ADGRL2: variants seen among roughly 807,000 people sequenced by gnomAD.
ADGRL2 encodes the protein calcium-independent alpha-latrotoxin receptor 2.
Under a neutral mutation model 157.4 loss-of-function variants are expected in ADGRL2, and 44 were observed. The observed-to-expected ratio is 0.28, with a 90% CI of 0.22 to 0.36. ADGRL2 has a LOEUF of 0.36. ADGRL2 is among the 10% of genes least tolerant of loss of function. The pLI is 1.00. For missense variants in ADGRL2, 1,510 were observed against 1,768.9 expected, an observed-to-expected ratio of 0.85 and a Z score of 2.63; for synonymous variants, 585 against 624.7, an observed-to-expected ratio of 0.94 and a Z score of 0.95.
chr1:81,462,969 G>T (rs895672196), intron 2 of ADGRL2, among the ~76,000 whole-genome samples: 2 of 151,792 alleles, frequency 1.3e-5, no homozygotes, highest in Non-Finnish European at 2.9e-5. Flanking sequence ...ACAAAAATTA[G>T]CCCTGAGGGG....
intron 3 of ADGRL2, among the ~76,000 whole-genome samples, chr1:81,667,916 T>C (rs2082785386): frequency 6.6e-6 from 1 of 152,206 alleles, no homozygotes; most frequent in South Asian, 2.1e-4. Context: ...TTGTAAGATT[T>C]AGGTAACTTG....
At chr1:81,647,247 G>A (rs905136851) in intron 3 of ADGRL2, among the ~76,000 whole-genome samples, 2 of 152,142 alleles carry the variant, frequency 1.3e-5, no homozygotes, top group African/African-American at 4.8e-5. Flanking sequence ...AATGCAGAAG[G>A]GAAAGTTTAC....
intron 2 of ADGRL2, among the ~76,000 whole-genome samples, chr1:81,533,931 T>C (rs1253777254): frequency 6.6e-6 from 1 of 152,000 alleles, no homozygotes; most frequent in Non-Finnish European, 1.5e-5. Context: ...AAATAGAACA[T>C]AAAGAAGGAA....
intron 1 of ADGRL2, among the ~76,000 whole-genome samples, chr1:81,349,853 G>A (rs549856976): frequency 3.3e-5 from 5 of 151,764 alleles, no homozygotes; most frequent in East Asian, 1.9e-4. Context: ...TTAGGAAGGC[G>A]GGAGGGAAAA....
At chr1:81,957,958 C>T (rs1441431461) in intron 11 of ADGRL2, among the ~76,000 whole-genome samples, 1 of 151,616 alleles carries the variant, frequency 6.6e-6, no homozygotes, top group Non-Finnish European at 1.5e-5. Context: ...GTCAGGAGTT[C>T]AGGACTATCC....
intron 3 of ADGRL2, chr1:81,596,119 C>T (rs1378532890): frequency 2.9e-6 from 1 of 350,114 alleles, no homozygotes; most frequent in Admixed American, 3.2e-5. Flanking sequence ...TTTTTTTTAA[C>T]AACTGGTAAT....
intron 1 of ADGRL2, among the ~76,000 whole-genome samples, chr1:81,357,216 G>A (rs1356524296): frequency 1.3e-5 from 2 of 152,158 alleles, no homozygotes; most frequent in African/African-American, 2.4e-5. Context: ...GACTTTCTCA[G>A]GCCTTGCTCA....
At chr1:81,434,359 T>C (rs1431669919) in intron 1 of ADGRL2, among the ~76,000 whole-genome samples, 1 of 152,226 alleles carries the variant, frequency 6.6e-6, no homozygotes, top group Non-Finnish European at 1.5e-5. Flanking sequence ...TTTATGTTTC[T>C]TCACTGCATT....
At chr1:81,753,556 A>T (rs1453450717) in intron 1 of ADGRL2, among the ~76,000 whole-genome samples, 3 of 152,180 alleles carry the variant, frequency 2.0e-5, no homozygotes, top group Non-Finnish European at 4.4e-5. Context: ...TATACTATTA[A>T]AGATTTATTT....
chr1:81,515,737 G>A (rs1375048141), intron 2 of ADGRL2, among the ~76,000 whole-genome samples: 6 of 152,090 alleles, frequency 3.9e-5, no homozygotes, highest in African/African-American at 1.4e-4. Context: ...TTTATCATAT[G>A]TCCCTTCATT....
chr1:81,498,044 A>C (rs2078767084), intron 2 of ADGRL2, among the ~76,000 whole-genome samples: 1 of 151,900 alleles, frequency 6.6e-6, no homozygotes, highest in Non-Finnish European at 1.5e-5. Context: ...GTCTCTACTA[A>C]AATAATAATA....
chr1:81,555,265 CTTTT>C (rs71666308), intron 2 of ADGRL2, among the ~76,000 whole-genome samples: 1 of 115,946 alleles, frequency 8.6e-6, no homozygotes, highest in Non-Finnish European at 1.8e-5. Flanking sequence ...TATTTCTTTT[CTTTT>C]TTTTTTTTTT....
chr1:81,444,997 T>C lies in ADGRL2; in HGVS notation c.-301-39T>C, dbSNP rs1333035261. On this transcript the variant is annotated intron_variant, in intron 1 of 24. Transcript: ENST00000370721. Reference sequence around the variant, plus strand: ...ATCTTTTCATGCTGAATTTGAACTGTGGATTTGTTTGTCTCCCTTCTAGGT... The same window carrying C: ...ATCTTTTCATGCTGAATTTGAACTGCGGATTTGTTTGTCTCCCTTCTAGGT... 5 of 152,354 alleles carry C rather than the reference T, an allele frequency of 3.3e-5. No individual in the cohort carries two copies. The East Asian group carries it at 7.7e-4, about 23-fold the overall frequency. The allele number at this position is 152,354 out of a possible 1,614,324, so 9.4% of individuals were successfully genotyped here. A position where few individuals can be genotyped will look rare whatever the true frequency, so the allele number is the denominator to read the frequency against.
chr1:81,847,669 G>A (rs1043849960), intron 2 of ADGRL2, among the ~76,000 whole-genome samples: 1 of 151,770 alleles, frequency 6.6e-6, no homozygotes, highest in Admixed American at 6.6e-5. Context: ...AAATCCCTGA[G>A]TAACAATGCA....
intron 2 of ADGRL2, among the ~76,000 whole-genome samples, chr1:81,903,864 C>G (rs1203139552): frequency 6.8e-6 from 1 of 147,326 alleles, no homozygotes; most frequent in Non-Finnish European, 1.5e-5. Context: ...GTTGGAAATA[C>G]AGACTTTAGA....
At chr1:81,420,770 C>T (rs2077109833) in intron 1 of ADGRL2, among the ~76,000 whole-genome samples, 5 of 152,140 alleles carry the variant, frequency 3.3e-5, no homozygotes, top group Admixed American at 3.3e-4. Flanking sequence ...AAAAGAAGCT[C>T]TCCTAGGTCG....
At chr1:81,410,091 A>G (rs1186280160) in intron 1 of ADGRL2, among the ~76,000 whole-genome samples, 2 of 152,230 alleles carry the variant, frequency 1.3e-5, no homozygotes, top group African/African-American at 2.4e-5. Flanking sequence ...TGATCTTTAC[A>G]TGAAAGTCAG....
chr1:81,956,565 T>C (rs1269166837), intron 11 of ADGRL2, among the ~76,000 whole-genome samples: 1 of 152,178 alleles, frequency 6.6e-6, no homozygotes, highest in African/African-American at 2.4e-5. Flanking sequence ...CCGTGCTTCA[T>C]AGATTGCAGA....
At chr1:81,782,398 C>G (rs528837558) in intron 2 of ADGRL2, among the ~76,000 whole-genome samples, 192 of 152,240 alleles carry the variant, frequency 1.3e-3, no homozygotes, top group African/African-American at 4.4e-3. Context: ...GGGGTAATTT[C>G]TAATGCCAGA....
Sources: gnomAD v4.1 joint callset for allele counts (sites outside exome capture counted in the v4.1 genomes callset) on GRCh38, gnomAD v4.1.1 for gene constraint, MANE v1.5 for transcripts, NCBI Gene and HGNC (gene_info 2026-07-23, HGNC 2026-07-21) for gene names.